CSTF3: variants seen among roughly 807,000 people sequenced by gnomAD.
The protein encoded by CSTF3 is CF-1 77 kDa subunit.
A neutral mutation model predicts 105.8 loss-of-function variants in CSTF3; 29 were observed. The ratio of observed to expected loss-of-function variants is 0.27; its 90% CI spans 0.20 to 0.37. The LOEUF (loss-of-function observed/expected upper bound fraction) is 0.37, where lower values mean the gene tolerates loss of function less well. Among genes scored for constraint, CSTF3 ranks in the 10% least tolerant of loss-of-function variants. The pLI, the probability that CSTF3 is intolerant of heterozygous loss-of-function variation, is 1.00. For synonymous variants in CSTF3, 252 were observed against 281.9 expected (o/e 0.89, Z 1.06); for missense variants, 357 against 879.3 (o/e 0.41, Z 7.51).
chr11:33,119,845 G>T (rs1855469225), intron 3 of CSTF3, among the ~76,000 whole-genome samples: 1 of 151,624 alleles, frequency 6.6e-6, no homozygotes, highest in Non-Finnish European at 1.5e-5. Flanking sequence ...TTTTGTTGTT[G>T]AAGTGACCTA....
intron 3 of CSTF3, among the ~76,000 whole-genome samples, chr11:33,125,491 T>C (rs540545550): frequency 7.2e-5 from 11 of 152,350 alleles, no homozygotes. Context: ...TTTACATACA[T>C]GGCTTCAGTT....
intron 3 of CSTF3, among the ~76,000 whole-genome samples, chr11:33,114,226 C>T (rs986435573): frequency 6.6e-6 from 1 of 152,082 alleles, no homozygotes; most frequent in South Asian, 2.1e-4. Flanking sequence ...CATGTCCTTT[C>T]CCTGGAATAT....
chr11:33,135,511 G>C, intron 3 of CSTF3, among the ~76,000 whole-genome samples: 1 of 152,136 alleles, frequency 6.6e-6, no homozygotes, highest in Non-Finnish European at 1.5e-5. Context: ...AAGCTTGTAT[G>C]CTTTAAAAGC....
Position 33,085,068 on chromosome 11 carries a change from T to C in CSTF3, c.*19A>G. Reference sequence around the variant, plus strand: ...AAAGGAATCCTGGACAGGAGTTTTCTGCAGAGGCGTTTAAAACCCTACCGA... The same window carrying C: ...AAAGGAATCCTGGACAGGAGTTTTCCGCAGAGGCGTTTAAAACCCTACCGA... On this transcript the variant is annotated 3_prime_UTR_variant, in exon 21 of 21. Transcript: ENST00000323959. The C allele has an allele frequency of 6.2e-7, 1 of 1,613,702 alleles. No individual in the cohort carries two copies. The highest frequency in any genetic ancestry group is 8.5e-7 in the Non-Finnish European group (1 of 1,179,620).
chr11:33,095,310 T>C (rs1176734369), intron 15 of CSTF3, among the ~76,000 whole-genome samples: 1 of 152,208 alleles, frequency 6.6e-6, no homozygotes, highest in Non-Finnish European at 1.5e-5. Flanking sequence ...ATTCCTGGGC[T>C]CAAGTGATCC....
chr11:33,141,585 T>G, intron 3 of CSTF3, 82 bp downstream of exon 3: 1 of 1,479,456 alleles, frequency 6.8e-7, no homozygotes, highest in Non-Finnish European at 8.9e-7. Flanking sequence ...TTGTCCTAAT[T>G]GGCTATGTTC....
At chr11:33,157,933 C>T (rs552015305) in intron 1 of CSTF3, among the ~76,000 whole-genome samples, 9 of 152,114 alleles carry the variant, frequency 5.9e-5, no homozygotes, top group Non-Finnish European at 1.2e-4. Context: ...ATTTTGGATA[C>T]TCTCTTTTCC....
chr11:33,090,528 A>C lies in CSTF3; in HGVS notation c.1641+4T>G, dbSNP rs914803098. 5 of 1,556,776 alleles carry C rather than the reference A, an allele frequency of 3.2e-6. No homozygotes were observed. The highest frequency in any genetic ancestry group is 4.3e-6 in the Non-Finnish European group (5 of 1,154,378). ...CACTCCACATCTTGATCCTAAGTAC[A>C]TACCTTATAACCAAGTGCTTTTAAT... On this transcript the variant is annotated splice_donor_region_variant and intron_variant, in intron 17 of 20. Transcript: ENST00000323959.
rs1305209178 is a variant in CSTF3 at position 33,108,521 on chromosome 11, TTTC to T, written c.226-106_226-104del. ...CAACTTTGCAAATTCATCCCTATAG[TTTC>T]TTATTAATTTTTCTGTTACTTTCAA... On this transcript the variant is annotated intron_variant, in intron 3 of 20. Coordinates refer to ENST00000323959, the MANE Select transcript of CSTF3 (RefSeq NM_001326.3). 9.6e-6 allele frequency: 8 copies of T among 837,656 alleles called. No individual in the cohort carries two copies. In the Admixed American group the frequency reaches 3.6e-4, roughly 38 times the overall value. 51.9% of individuals were successfully genotyped at this position (837,656 alleles called of 1,614,324 possible).
intron 15 of CSTF3, among the ~76,000 whole-genome samples, chr11:33,093,566 A>C (rs1427594439): frequency 6.6e-6 from 1 of 152,220 alleles, no homozygotes; most frequent in East Asian, 1.9e-4. Context: ...ATATTTAATC[A>C]ACCTAATATA....
At chr11:33,130,109 A>T (rs1307975517) in intron 3 of CSTF3, among the ~76,000 whole-genome samples, 1 of 152,228 alleles carries the variant, frequency 6.6e-6, no homozygotes, top group East Asian at 1.9e-4. Flanking sequence ...TTAAATACAG[A>T]GCTAGATATT....
At chr11:33,150,855 C>CAA (rs571410801) in intron 1 of CSTF3, among the ~76,000 whole-genome samples, 13 of 106,588 alleles carry the variant, frequency 1.2e-4, no homozygotes, top group East Asian at 2.8e-4. Flanking sequence ...GACCCTGTCT[C>CAA]AAAAAAAAAA....
At chr11:33,153,567 C>T (rs894143530) in intron 1 of CSTF3, among the ~76,000 whole-genome samples, 17 of 151,888 alleles carry the variant, frequency 1.1e-4, no homozygotes, top group Middle Eastern at 6.8e-3. Context: ...GAGGCCAGGA[C>T]GTTGAGGCTG....
chr11:33,123,499 C>A (rs1044035033), intron 3 of CSTF3, among the ~76,000 whole-genome samples: 1 of 152,024 alleles, frequency 6.6e-6, no homozygotes, highest in Admixed American at 6.6e-5. Context: ...TCCAGCAATT[C>A]CATTTCTAGG....
intron 3 of CSTF3, 105 bp from the exon 4 acceptor site, chr11:33,108,523 T>G (rs1855348707): frequency 2.4e-6 from 2 of 820,750 alleles, no homozygotes; most frequent in African/African-American, 1.8e-5. Context: ...CCCTATAGTT[T>G]CTTATTAATT....
intron 3 of CSTF3, among the ~76,000 whole-genome samples, chr11:33,133,850 G>A (rs1308174601): frequency 2.0e-5 from 3 of 152,168 alleles, no homozygotes; most frequent in African/African-American, 7.2e-5. Flanking sequence ...CATTGAAGGA[G>A]ACTAAGAGGA....
In CSTF3 at chr11:33,161,433, G is replaced by A; in HGVS notation, c.-108C>T. On this transcript the variant is annotated 5_prime_UTR_variant, in exon 1 of 21. Transcript: ENST00000323959. ...CAGTAAAGTTACCCCCTGCCCAGCT[G>A]AGCCAGACCGCCAACACCAATCGCC... The A allele has an allele frequency of 1.7e-6, 2 of 1,202,760 alleles. No homozygotes were observed. Among genetic ancestry groups the A allele is most frequent in the East Asian group, 2.4e-5 (1 of 41,896 alleles). The allele number at this position is 1,202,760 out of a possible 1,614,324, so 74.5% of individuals were successfully genotyped here.
At chr11:33,154,145 T>C (rs1849824857) in intron 1 of CSTF3, among the ~76,000 whole-genome samples, 1 of 152,232 alleles carries the variant, frequency 6.6e-6, no homozygotes. Flanking sequence ...TAAAAACCAC[T>C]GTGGTACCTG....
intron 3 of CSTF3, among the ~76,000 whole-genome samples, chr11:33,124,632 G>C (rs889776572): frequency 6.6e-6 from 1 of 152,160 alleles, no homozygotes; most frequent in Non-Finnish European, 1.5e-5. Flanking sequence ...CATTGGAACA[G>C]AGTGACTTTA....
Sources: allele counts gnomAD v4.1 joint callset (sites outside exome capture counted in the v4.1 genomes callset), GRCh38; gene constraint gnomAD v4.1.1; transcripts MANE v1.5; gene names NCBI Gene and HGNC (gene_info 2026-07-23, HGNC 2026-07-21).